Variants in PPP1R16B observed in about 807,000 individuals in gnomAD.
PPP1R16B encodes protein phosphatase 1 regulatory inhibitor subunit 16B.
A neutral mutation model predicts 61.7 loss-of-function variants in PPP1R16B; 14 were observed. The ratio of observed to expected loss-of-function variants is 0.23; its 90% CI spans 0.15 to 0.35. The LOEUF is 0.35. Ranked by LOEUF, PPP1R16B falls within the 10% of genes least tolerant of loss-of-function variation. The pLI is 1.00. For missense variants in PPP1R16B, 547 were observed against 752.5 expected (o/e 0.73, Z 3.19); for synonymous variants, 266 against 305.3 (o/e 0.87, Z 1.34).
intron 2 of PPP1R16B, among the ~76,000 whole-genome samples, chr20:38,876,219 CGCCTTG>C (rs1431682609): frequency 6.6e-6 from 1 of 152,076 alleles, no homozygotes; most frequent in Non-Finnish European, 1.5e-5. Context: ...GTGATCTGCC[CGCCTTG>C]GCCTCCCAAA....
At chr20:38,885,526 T>A (rs2085238408) in intron 2 of PPP1R16B, among the ~76,000 whole-genome samples, 1 of 152,168 alleles carries the variant, frequency 6.6e-6, no homozygotes, top group African/African-American at 2.4e-5. Context: ...GAAATGCTGT[T>A]CCTATTCCTG....
At chr20:38,904,037 C>A (rs994436292) in intron 6 of PPP1R16B, among the ~76,000 whole-genome samples, 2 of 152,192 alleles carry the variant, frequency 1.3e-5, no homozygotes, top group African/African-American at 4.8e-5. Context: ...TCAGGCCTGA[C>A]CTGGCAGCCC....
chr20:38,833,744 T>G (rs546337629), intron 1 of PPP1R16B, among the ~76,000 whole-genome samples: 3 of 152,330 alleles, frequency 2.0e-5, no homozygotes, highest in African/African-American at 7.2e-5. Context: ...ACCCTGGAAC[T>G]TTTGCCCTTT....
At chr20:38,839,307 C>T (rs1428442285) in intron 2 of PPP1R16B, among the ~76,000 whole-genome samples, 1 of 152,200 alleles carries the variant, frequency 6.6e-6, no homozygotes, top group Non-Finnish European at 1.5e-5. Flanking sequence ...CTGGATGTGA[C>T]AGTTCTTTGA....
chr20:38,869,523 C>T (rs2085112774), intron 2 of PPP1R16B, among the ~76,000 whole-genome samples: 1 of 152,152 alleles, frequency 6.6e-6, no homozygotes, highest in Admixed American at 6.5e-5. Context: ...ATTTTATATC[C>T]TCACCAGCAG....
chr20:38,911,259 C>T (rs577994548), intron 10 of PPP1R16B, among the ~76,000 whole-genome samples: 17 of 151,086 alleles, frequency 1.1e-4, no homozygotes, highest in African/African-American at 3.1e-4. Flanking sequence ...CTCCATCTCC[C>T]GGGTTCATGC....
intron 4 of PPP1R16B, among the ~76,000 whole-genome samples, chr20:38,898,728 T>G (rs2085368161): frequency 6.6e-6 from 1 of 152,014 alleles, no homozygotes; most frequent in Non-Finnish European, 1.5e-5. Flanking sequence ...GAGAACTGCT[T>G]GAACCTGGGA....
chr20:38,871,805 C>T (rs1160118632), intron 2 of PPP1R16B, among the ~76,000 whole-genome samples: 1 of 152,036 alleles, frequency 6.6e-6, no homozygotes, highest in African/African-American at 2.4e-5. Context: ...GGTAATGTAA[C>T]TAAGTATTTA....
At chr20:38,876,478 C>T (rs560613612) in intron 2 of PPP1R16B, among the ~76,000 whole-genome samples, 1 of 151,974 alleles carries the variant, frequency 6.6e-6, no homozygotes, top group South Asian at 2.1e-4. Context: ...CACTGATATG[C>T]CACTTTCATG....
chr20:38,913,536 C>T (rs547864539), intron 10 of PPP1R16B, among the ~76,000 whole-genome samples: 318 of 152,336 alleles, frequency 2.1e-3, no homozygotes, highest in Non-Finnish European at 2.7e-3. Context: ...GCTGGGATTA[C>T]GGGCGTGAGC....
Position 38,895,675 on chromosome 20 carries a change from C to T in PPP1R16B, c.432C>T (p.Cys144=), listed in dbSNP as rs774283618. The change falls in exon 4 of 11, where the codon TGC becomes TGT. Residue 144 remains cysteine, a synonymous_variant. Coordinates refer to ENST00000299824, the MANE Select transcript of PPP1R16B (RefSeq NM_015568.4). The part of the protein sequence containing the change: ...LWTPLHAAAT[C]GHINLVKILV... ...CACCTCTCCATGCTGCAGCCACCTG[C>T]GGCCACATCAACCTGGTGAAGATCC... 1.9e-5 allele frequency: 30 copies of T among 1,614,004 alleles called. No individual in the cohort carries two copies. Among genetic ancestry groups the T allele is most frequent in the Middle Eastern group, 1.6e-4 (1 of 6,084 alleles).
At chr20:38,808,938 C>A (rs2084680637) in intron 1 of PPP1R16B, among the ~76,000 whole-genome samples, 1 of 151,890 alleles carries the variant, frequency 6.6e-6, no homozygotes, top group Non-Finnish European at 1.5e-5. Flanking sequence ...GAGGCTGAGG[C>A]ACGAGAATTG....
Position 38,906,022 on chromosome 20 carries a change from C to T in PPP1R16B, c.750C>T (p.Asp250=), listed in dbSNP as rs4812332. ...GYLRAAELLL[D]HGVRVDVKDW... Reference sequence around the variant, plus strand: ...TGCGGGCAGCTGAGCTCCTCCTGGACCATGGAGTGCGTGTGGATGTGAAGG... The same window carrying T: ...TGCGGGCAGCTGAGCTCCTCCTGGATCATGGAGTGCGTGTGGATGTGAAGG... The change falls in exon 7 of 11, where the codon GAC becomes GAT. Residue 250 remains aspartate, a synonymous_variant. Transcript: ENST00000299824. 500,787 of 1,612,320 alleles carry T rather than the reference C, an allele frequency of 0.31. 79,174 individuals are homozygous for T. Among genetic ancestry groups the T allele is most frequent in the Middle Eastern group, 0.39 (2,368 of 6,058 alleles).
At position 38,922,891 on chromosome 20, in the gene PPP1R16B, G is replaced by T. The variant is rs1429417431; in HGVS notation, c.*4225G>T. ...TTGCCACGCGGCACCGGTGGGCCTT[G>T]GGTCCAAAACTGTGGCTCAGCCACA... On this transcript the variant is annotated 3_prime_UTR_variant, in exon 11 of 11. Coordinates refer to ENST00000299824, the MANE Select transcript of PPP1R16B (RefSeq NM_015568.4). 1 of 152,378 alleles carries T rather than the reference G, an allele frequency of 6.6e-6. No individual in the cohort carries two copies. Among genetic ancestry groups the T allele is most frequent in the Admixed American group, 6.5e-5 (1 of 15,282 alleles). The allele number at this position is 152,378 out of a possible 1,614,324, so 9.4% of individuals were successfully genotyped here. A position where few individuals can be genotyped will look rare whatever the true frequency, so the allele number is the denominator to read the frequency against.
At chr20:38,813,675 T>G (rs968154670) in intron 1 of PPP1R16B, among the ~76,000 whole-genome samples, 1 of 152,108 alleles carries the variant, frequency 6.6e-6, no homozygotes, top group African/African-American at 2.4e-5. Context: ...ATATTCATCA[T>G]AATCACTTGG....
chr20:38,820,281 G>A (rs762508689), intron 1 of PPP1R16B, among the ~76,000 whole-genome samples: 10 of 152,186 alleles, frequency 6.6e-5, no homozygotes, highest in Admixed American at 1.3e-4. Context: ...ATTGCTGGCC[G>A]GGCGCAGTGG....
chr20:38,836,986 T>A (rs1250433880), intron 2 of PPP1R16B, among the ~76,000 whole-genome samples: 1 of 152,244 alleles, frequency 6.6e-6, no homozygotes, highest in Non-Finnish European at 1.5e-5. Context: ...GGATCTGGTT[T>A]CTCCCCACCA....
chr20:38,830,721 G>T (rs1465022928), intron 1 of PPP1R16B, among the ~76,000 whole-genome samples: 2 of 152,228 alleles, frequency 1.3e-5, no homozygotes, highest in Non-Finnish European at 2.9e-5. Context: ...TAAAAGAGAA[G>T]TGAAAAGCCT....
rs1472129806 is a variant in PPP1R16B, at chr20:38,871,684, G to T, written c.251-17911G>T. 4.0e-5 allele frequency among the ~76,000 whole-genome samples: 6 copies of T among 148,622 alleles called. No individual in the cohort carries two copies. In the South Asian group the frequency reaches 1.3e-3, roughly 33 times the overall value. On this transcript the variant is annotated intron_variant, in intron 2 of 10. Coordinates refer to ENST00000299824, the MANE Select transcript of PPP1R16B (RefSeq NM_015568.4). ...AGGGAGGGAGGGAAGGAAGGAGGGA[G>T]GGAGGGAAAGAAAGGGGAAGGAACA...
Sources: allele counts gnomAD v4.1 joint callset (sites outside exome capture counted in the v4.1 genomes callset), GRCh38; gene constraint gnomAD v4.1.1; transcripts MANE v1.5; gene names NCBI Gene and HGNC (gene_info 2026-07-23, HGNC 2026-07-21).